Variants in FBXL13 observed in about 807,000 individuals in gnomAD.
The protein encoded by FBXL13 is F-box and leucine-rich repeat protein 13.
FBXL13 carries 67 observed loss-of-function variants against 83.6 expected under a neutral mutation model. The ratio of observed to expected loss-of-function variants is 0.80; its 90% CI spans 0.66 to 0.98. The LOEUF is 0.98. FBXL13 is among the 50% of genes least tolerant of loss of function. The pLI, the probability that FBXL13 is intolerant of heterozygous loss-of-function variation, is 0.00. For missense variants in FBXL13, 822 were observed against 866.5 expected, an observed-to-expected ratio of 0.95 and a Z score of 0.64; for synonymous variants, 272 against 299.5, an observed-to-expected ratio of 0.91 and a Z score of 0.95.
intron 11 of FBXL13, among the ~76,000 whole-genome samples, chr7:102,909,905 A>G (rs891576898): frequency 1.3e-5 from 2 of 152,142 alleles, no homozygotes; most frequent in African/African-American, 4.8e-5. Flanking sequence ...CTGGTGTCTC[A>G]GTATGTCATG....
rs867679412 is a variant in FBXL13 at position 102,870,076 on chromosome 7, T to C, written c.1635+7391A>G. On this transcript the variant is annotated intron_variant, in intron 16 of 19. Transcript: ENST00000313221. ...TGAAACTAGATAGCCTTATAACACA[T>C]ACAATTAAAACTAACATGGAAACGG... Among the ~76,000 whole-genome samples, 6 of 152,186 alleles carry C rather than the reference T, an allele frequency of 3.9e-5. No homozygotes were observed. The South Asian group carries it at 1.0e-3, about 26-fold the overall frequency.
chr7:103,039,167 T>C (rs1563257256), intron 2 of FBXL13, among the ~76,000 whole-genome samples: 1 of 152,202 alleles, frequency 6.6e-6, no homozygotes, highest in Non-Finnish European at 1.5e-5. Context: ...GAGAACTTCA[T>C]GATGCATGCA....
intron 11 of FBXL13, among the ~76,000 whole-genome samples, chr7:102,903,272 C>T (rs74554112): frequency 0.01 from 1,537 of 152,122 alleles, 11 homozygotes; most frequent in Non-Finnish European, 0.017. Context: ...AATTTTTTAT[C>T]CTGTGACTTT....
chr7:102,816,007 G>C (rs189509510), intron 19 of FBXL13, among the ~76,000 whole-genome samples: 1 of 152,268 alleles, frequency 6.6e-6, no homozygotes, highest in East Asian at 1.9e-4. Flanking sequence ...GGACAGAATC[G>C]AAATGAGCTG....
At chr7:102,821,002 A>G (rs765023958) in intron 19 of FBXL13, among the ~76,000 whole-genome samples, 1 of 152,270 alleles carries the variant, frequency 6.6e-6, no homozygotes, top group Non-Finnish European at 1.5e-5. Context: ...TAGAAATTCA[A>G]TAATATTACC....
chr7:103,055,663 C>G, exon 2 of FBXL13: 1 of 1,274,600 alleles, frequency 7.8e-7, no homozygotes. Flanking sequence ...TTCTGAAGAC[C>G]ACTTTTGATT....
In FBXL13 at chr7:102,913,996, C is replaced by T. The variant is rs116580900; in HGVS notation, c.879-781G>A. 3.7e-3 allele frequency among the ~76,000 whole-genome samples: 570 copies of T among 152,250 alleles called. 5 individuals carry two copies. Among genetic ancestry groups the T allele is most frequent in the African/African-American group, 0.014 (563 of 41,534 alleles). The stretch of plus-strand genomic sequence containing the variant: ...AAAAAGTAGGGTAGTTAGGATGAGC[C>T]TGTACTACCATACGAGGGCTCGCAG... On this transcript the variant is annotated intron_variant, in intron 10 of 19. Coordinates refer to ENST00000313221, the Ensembl canonical transcript of FBXL13.
At chr7:102,993,528 TTAAC>T (rs142184301) in intron 6 of FBXL13, among the ~76,000 whole-genome samples, 7,503 of 152,306 alleles carry the variant, frequency 0.049, 277 homozygotes, top group East Asian at 0.22. Flanking sequence ...ACTGCATTAC[TTAAC>T]TATTTTAGAG....
intron 6 of FBXL13, among the ~76,000 whole-genome samples, chr7:102,980,576 G>C (rs1317299649): frequency 6.6e-6 from 1 of 152,192 alleles, no homozygotes; most frequent in Non-Finnish European, 1.5e-5. Flanking sequence ...AGGAGATTGA[G>C]ACCATCTTGG....
intron 1 of FBXL13, among the ~76,000 whole-genome samples, chr7:103,073,113 A>G (rs1799155958): frequency 6.6e-6 from 1 of 152,260 alleles, no homozygotes; most frequent in Admixed American, 6.5e-5. Flanking sequence ...GTAAAAAGTT[A>G]GAATTCTCCA....
At chr7:102,970,638 C>T (rs191417812) in intron 6 of FBXL13, among the ~76,000 whole-genome samples, 70 of 151,942 alleles carry the variant, frequency 4.6e-4, no homozygotes, top group Non-Finnish European at 8.1e-4. Context: ...GCAAAACACA[C>T]GAGGAAAAGG....
intron 6 of FBXL13, among the ~76,000 whole-genome samples, chr7:103,023,993 T>C (rs1206198805): frequency 6.6e-6 from 1 of 151,936 alleles, no homozygotes; most frequent in South Asian, 2.1e-4. Flanking sequence ...GGTGGGAGGA[T>C]GGTGAGGATT....
At chr7:103,033,164 T>G (rs1452940128) in intron 2 of FBXL13, among the ~76,000 whole-genome samples, 1 of 152,172 alleles carries the variant, frequency 6.6e-6, no homozygotes, top group East Asian at 1.9e-4. Flanking sequence ...TTTTTGTTTG[T>G]TTTTTGTTTT....
intron 16 of FBXL13, among the ~76,000 whole-genome samples, chr7:102,856,384 T>C (rs1806054971): frequency 6.6e-6 from 1 of 152,248 alleles, no homozygotes; most frequent in Admixed American, 6.5e-5. Context: ...TACCCTATAC[T>C]TGATAATAGC....
chr7:102,920,693 C>T (rs1370926046), intron 10 of FBXL13, among the ~76,000 whole-genome samples: 1 of 152,054 alleles, frequency 6.6e-6, no homozygotes, highest in Non-Finnish European at 1.5e-5. Flanking sequence ...AAACTGCTCT[C>T]TTAAAAAGGC....
At chr7:102,849,189 C>T (rs1466941887) in intron 17 of FBXL13, among the ~76,000 whole-genome samples, 1 of 152,178 alleles carries the variant, frequency 6.6e-6, no homozygotes, top group Non-Finnish European at 1.5e-5. Flanking sequence ...TTAAGAAATG[C>T]TCAGTTACAG....
At chr7:102,919,899 A>G (rs1205457929) in intron 10 of FBXL13, among the ~76,000 whole-genome samples, 1 of 152,244 alleles carries the variant, frequency 6.6e-6, no homozygotes, top group Non-Finnish European at 1.5e-5. Flanking sequence ...AGAAAAAAAG[A>G]CCATCAATGA....
rs1439486826 is a variant in FBXL13 at position 102,921,654 on chromosome 7, T to C, written c.878+4620A>G. ...GAGATCATACCACTGCACTCCAGCCTGGGCGACAGAGCAAGATTCCATCTC... is the reference window on the plus strand; with the variant it reads ...GAGATCATACCACTGCACTCCAGCCCGGGCGACAGAGCAAGATTCCATCTC... On this transcript the variant is annotated intron_variant, in intron 10 of 19. Coordinates refer to ENST00000313221, the Ensembl canonical transcript of FBXL13. 3.3e-5 allele frequency among the ~76,000 whole-genome samples: 5 copies of C among 152,196 alleles called. No individual in the cohort carries two copies. In the East Asian group the frequency reaches 7.7e-4, roughly 23 times the overall value.
At chr7:102,948,065 CTTT>C (rs545946981) in intron 8 of FBXL13, among the ~76,000 whole-genome samples, 5 of 140,864 alleles carry the variant, frequency 3.5e-5, no homozygotes, top group African/African-American at 5.2e-5. Flanking sequence ...TAATGAGGAT[CTTT>C]TTTTTTTTTT....
Sources: allele counts gnomAD v4.1 joint callset (sites outside exome capture counted in the v4.1 genomes callset), GRCh38; gene constraint gnomAD v4.1.1; transcripts MANE v1.5; gene names NCBI Gene and HGNC (gene_info 2026-07-23, HGNC 2026-07-21).